The following MACROD2 variants were observed in gnomAD, a reference collection of about 807,000 sequenced individuals.
MACROD2 encodes mono-ADP ribosylhydrolase 2, also known as ADP-ribose glycohydrolase MACROD2.
MACROD2 carries 36 observed loss-of-function variants against 70.4 expected under a neutral mutation model. The ratio of observed to expected loss-of-function variants is 0.51; its 90% CI spans 0.39 to 0.68. The LOEUF (loss-of-function observed/expected upper bound fraction) is 0.68, where lower values mean the gene tolerates loss of function less well. Among genes scored for constraint, MACROD2 ranks in the 30% least tolerant of loss-of-function variants. MACROD2 has a pLI of 0.00. For missense variants in MACROD2, 496 were observed against 538.4 expected (o/e 0.92, Z 0.78); for synonymous variants, 172 against 178.8 (o/e 0.96, Z 0.30).
intron 8 of MACROD2, among the ~76,000 whole-genome samples, chr20:15,712,849 A>T (rs1451646767): frequency 6.6e-6 from 1 of 152,220 alleles, no homozygotes; most frequent in Non-Finnish European, 1.5e-5. Context: ...AGTAATTTTT[A>T]AAAATTATTT....
At chr20:15,711,224 C>G (rs2050621936) in intron 8 of MACROD2, among the ~76,000 whole-genome samples, 1 of 152,140 alleles carries the variant, frequency 6.6e-6, no homozygotes. Flanking sequence ...TGATCTTTCG[C>G]TTTGCTTTCC....
At chr20:14,260,806 G>C (rs932251932) in intron 3 of MACROD2, among the ~76,000 whole-genome samples, 7 of 152,184 alleles carry the variant, frequency 4.6e-5, no homozygotes, top group African/African-American at 1.2e-4. Flanking sequence ...TATATGTAAA[G>C]TTCTTAGGTG....
intron 12 of MACROD2, among the ~76,000 whole-genome samples, chr20:15,964,489 T>C (rs528400674): frequency 6.6e-6 from 1 of 152,218 alleles, no homozygotes; most frequent in South Asian, 2.1e-4. Context: ...TATGATCCGA[T>C]CACCTTCCTA....
intron 5 of MACROD2, among the ~76,000 whole-genome samples, chr20:15,158,544 ACT>A (rs1178400953): frequency 3.3e-5 from 5 of 152,196 alleles, no homozygotes; most frequent in African/African-American, 9.6e-5. Flanking sequence ...AAATCTTTTA[ACT>A]CTACCACAGC....
intron 8 of MACROD2, among the ~76,000 whole-genome samples, chr20:15,606,221 G>A (rs193014048): frequency 7.2e-5 from 11 of 152,104 alleles, no homozygotes; most frequent in African/African-American, 1.2e-4. Context: ...TGTCTCAGTC[G>A]CCTTTTTAGC....
At chr20:15,507,413 C>T (rs28396187) in intron 8 of MACROD2, among the ~76,000 whole-genome samples, 3 of 124,968 alleles carry the variant, frequency 2.4e-5, no homozygotes, top group Non-Finnish European at 5.0e-5. Context: ...CTTTCTTTCT[C>T]TCTCTCCTTC....
At chr20:15,777,563 TTCCTTCCTTCC>T (rs2051749349) in intron 8 of MACROD2, among the ~76,000 whole-genome samples, 1 of 85,732 alleles carries the variant, frequency 1.2e-5, no homozygotes, top group African/African-American at 3.9e-5. Flanking sequence ...CCTTCCTTCC[TTCCTTCCTTCC>T]TTCTTTCCTT....
chr20:14,076,088 A>G (rs778247347), intron 2 of MACROD2, among the ~76,000 whole-genome samples: 1 of 152,224 alleles, frequency 6.6e-6, no homozygotes, highest in Non-Finnish European at 1.5e-5. Flanking sequence ...ATAAAACTAT[A>G]TTACTTTGTT....
Position 14,009,668 on chromosome 20 carries a change from G to A in MACROD2, c.163+7264G>A, listed in dbSNP as rs115044770. ...TCTATTATAAAGATAATAAAAGAAG[G>A]CGTATGTTCATTACAGCACTGTTCA... On this transcript the variant is annotated intron_variant, in intron 2 of 17. Transcript: ENST00000684519. Among the ~76,000 whole-genome samples the A allele has an allele frequency of 8.8e-3, 1,342 of 152,146 alleles. 26 individuals are homozygous for A. The highest frequency in any genetic ancestry group is 0.034 in the Middle Eastern group (10 of 294).
chr20:14,714,134 C>T (rs2071369746), intron 5 of MACROD2, among the ~76,000 whole-genome samples: 1 of 152,042 alleles, frequency 6.6e-6, no homozygotes, highest in South Asian at 2.1e-4. Flanking sequence ...ATCCTGAGTG[C>T]CAGCATAGAC....
At chr20:15,061,728 C>CT (rs1272294086) in intron 5 of MACROD2, among the ~76,000 whole-genome samples, 1 of 152,138 alleles carries the variant, frequency 6.6e-6, no homozygotes, top group East Asian at 1.9e-4. Context: ...GGGGAAGGGG[C>CT]TTTGCAGGTA....
intron 5 of MACROD2, among the ~76,000 whole-genome samples, chr20:14,911,854 G>A (rs1384067444): frequency 6.6e-6 from 1 of 152,068 alleles, no homozygotes; most frequent in Non-Finnish European, 1.5e-5. Context: ...CCATTTTACA[G>A]ATGGGGAAAC....
chr20:15,859,738 T>C lies in MACROD2; in HGVS notation c.646-3007T>C, dbSNP rs114120944. Among the ~76,000 whole-genome samples, 324 of 150,778 alleles carry C rather than the reference T, an allele frequency of 2.1e-3. 1 individual carries two copies. The highest frequency in any genetic ancestry group is 7.7e-3 in the African/African-American group (317 of 41,310). On this transcript the variant is annotated intron_variant, in intron 8 of 17. Coordinates refer to ENST00000684519, the MANE Select transcript of MACROD2 (RefSeq NM_001351661.2). ...TCAATTAATTTAAACTAAAAAGTGT[T>C]TCACTGTCACCATCCCCGCGCTTTT... is the stretch of plus-strand genomic sequence containing the variant.
chr20:14,609,208 T>G (rs1983004753), intron 4 of MACROD2, among the ~76,000 whole-genome samples: 1 of 151,830 alleles, frequency 6.6e-6, no homozygotes, highest in Non-Finnish European at 1.5e-5. Flanking sequence ...ATTGGTGGTT[T>G]GAGTTGTAAC....
chr20:15,527,013 G>GGTGGGTGAATGCCACCCA (rs1257394917), intron 8 of MACROD2, among the ~76,000 whole-genome samples: 13 of 152,184 alleles, frequency 8.5e-5, no homozygotes, highest in Non-Finnish European at 1.5e-5. Context: ...GGTAACAGTT[G>GGTGGGTGAATGCCACCCA]TCGTGGGTGA....
At chr20:15,707,780 G>C (rs537256404) in intron 8 of MACROD2, among the ~76,000 whole-genome samples, 22 of 151,502 alleles carry the variant, frequency 1.5e-4, no homozygotes, top group African/African-American at 5.3e-4. Context: ...GTGAGACTCT[G>C]TCTCAACAAT....
chr20:14,292,579 A>G (rs2082395357), intron 3 of MACROD2, among the ~76,000 whole-genome samples: 1 of 151,878 alleles, frequency 6.6e-6, no homozygotes, highest in African/African-American at 2.4e-5. Flanking sequence ...GCCATTCTTA[A>G]GTATTGACCA....
At chr20:15,945,389 G>T (rs1601186402) in intron 12 of MACROD2, among the ~76,000 whole-genome samples, 1 of 152,102 alleles carries the variant, frequency 6.6e-6, no homozygotes, top group Admixed American at 6.6e-5. Flanking sequence ...CCATAGTTTG[G>T]CTGTACCATA....
At chr20:14,833,655 T>A (rs2072996477) in intron 5 of MACROD2, among the ~76,000 whole-genome samples, 1 of 152,136 alleles carries the variant, frequency 6.6e-6, no homozygotes, top group Admixed American at 6.5e-5. Flanking sequence ...ATTTCGATTT[T>A]ACTCTAATGT....
Sources: gnomAD v4.1 joint callset for allele counts (sites outside exome capture counted in the v4.1 genomes callset) on GRCh38, gnomAD v4.1.1 for gene constraint, MANE v1.5 for transcripts, NCBI Gene and HGNC (gene_info 2026-07-23, HGNC 2026-07-21) for gene names.